The following ZNF536 variants were observed in gnomAD, a reference collection of about 807,000 sequenced individuals.
ZNF536 encodes the protein zinc finger protein 536.
In ZNF536, 13 loss-of-function variants were observed where a neutral mutation model predicts 84.5. The observed-to-expected ratio is 0.15, with a 90% confidence interval of 0.10 to 0.24. The LOEUF is 0.24. Ranked by LOEUF, ZNF536 falls within the 10% of genes least tolerant of loss-of-function variation. ZNF536 has a pLI of 1.00. For missense variants in ZNF536, 1,536 were observed against 1,747.5 expected, an observed-to-expected ratio of 0.88 and a Z score of 2.16; for synonymous variants, 811 against 742.5, an observed-to-expected ratio of 1.09 and a Z score of -1.50.
rs972261027 is a variant in ZNF536 at position 30,391,585 on chromosome 19, A to G, written c.-3+19029A>G. Among the ~76,000 whole-genome samples, 5 of 152,218 alleles carry G rather than the reference A, an allele frequency of 3.3e-5. No individual in the cohort carries two copies. The South Asian group carries it at 6.2e-4, about 19-fold the overall frequency. ...GAGTGAAAGTCTGTCTCAAAAAACA[A>G]ACAAACAAACAATCAAAAAAACTGC... is the stretch of plus-strand genomic sequence containing the variant. On this transcript the variant is annotated intron_variant, in intron 1 of 4. Coordinates refer to ENST00000355537, the MANE Select transcript of ZNF536 (RefSeq NM_014717.3).
chr19:30,508,820 C>CTTTTTTTTTTTTTT (rs914349353), intron 2 of ZNF536, among the ~76,000 whole-genome samples: 19 of 68,772 alleles, frequency 2.8e-4, no homozygotes, highest in East Asian at 4.0e-4. Context: ...TTCTTTCTTT[C>CTTTTTTTTTTTTTT]TTTTTTTTTT....
intron 2 of ZNF536, among the ~76,000 whole-genome samples, chr19:30,305,282 A>T (rs537411726): frequency 1.3e-5 from 2 of 152,208 alleles, no homozygotes; most frequent in East Asian, 3.9e-4. Context: ...TGCAAGAGAG[A>T]CCGTGGGAAG....
chr19:30,290,535 G>T (rs2045801639), intron 2 of ZNF536, among the ~76,000 whole-genome samples: 1 of 152,160 alleles, frequency 6.6e-6, no homozygotes, highest in Non-Finnish European at 1.5e-5. Context: ...GCCTCCCAAA[G>T]TGCTGGGATT....
intron 2 of ZNF536, among the ~76,000 whole-genome samples, chr19:30,462,293 TGTGTGTGTGA>T (rs530884485): frequency 0.011 from 1,572 of 142,896 alleles, 6 homozygotes; most frequent in African/African-American, 0.014. Context: ...CTTGTGATTT[TGTGTGTGTGA>T]GTGTGTGTGT....
chr19:30,290,868 T>C (rs2145794015), intron 2 of ZNF536, among the ~76,000 whole-genome samples: 1 of 152,264 alleles, frequency 6.6e-6, no homozygotes, highest in African/African-American at 2.4e-5. Context: ...GGCCCTGGTG[T>C]GTGATGTCCT....
chr19:30,648,094 C>T (rs1005904411), intron 1 of ZNF536, among the ~76,000 whole-genome samples: 4 of 152,162 alleles, frequency 2.6e-5, no homozygotes, highest in Admixed American at 6.5e-5. Flanking sequence ...TGGGCTCATC[C>T]TCAGATGGAA....
At chr19:30,309,110 G>A (rs1461949579) in intron 2 of ZNF536, among the ~76,000 whole-genome samples, 1 of 152,142 alleles carries the variant, frequency 6.6e-6, no homozygotes, top group Non-Finnish European at 1.5e-5. Flanking sequence ...AGACATGTAA[G>A]GGGAATCAAA....
chr19:30,241,202 A>C (rs1375402501), intron 1 of ZNF536, among the ~76,000 whole-genome samples: 1 of 151,988 alleles, frequency 6.6e-6, no homozygotes, highest in Non-Finnish European at 1.5e-5. Context: ...CTTGTAGTCC[A>C]AGCTCTTCAG....
rs1021470144 is a variant in ZNF536, at chr19:30,347,483, T to G, written c.-119-4885T>G. Among the ~76,000 whole-genome samples the G allele has an allele frequency of 2.0e-5, 3 of 152,070 alleles. No individual in the cohort carries two copies. In the East Asian group the frequency reaches 5.8e-4, roughly 29 times the overall value. Reference sequence around the variant, plus strand: ...CGTATCCACCCATGATGGCTGGAAGTTGAGTATTTATGGGGTGCCAGGGCC... The same window carrying G: ...CGTATCCACCCATGATGGCTGGAAGGTGAGTATTTATGGGGTGCCAGGGCC... On this transcript the variant is annotated intron_variant, in intron 2 of 5. Coordinates refer to the ZNF536 transcript ENST00000585628.
intron 2 of ZNF536, among the ~76,000 whole-genome samples, chr19:30,339,402 G>A (rs1005858589): frequency 2.0e-4 from 31 of 152,216 alleles, no homozygotes; most frequent in African/African-American, 7.2e-4. Flanking sequence ...CCCCACCCGA[G>A]GAGCCTCTCA....
At chr19:30,242,369 C>T (rs1352446358) in intron 1 of ZNF536, among the ~76,000 whole-genome samples, 15 of 152,132 alleles carry the variant, frequency 9.9e-5, no homozygotes, top group Admixed American at 9.2e-4. Flanking sequence ...CGGCTACCCC[C>T]AGCTTTAGGG....
At chr19:30,673,455 T>C (rs2050635279) in intron 1 of ZNF536, among the ~76,000 whole-genome samples, 1 of 152,232 alleles carries the variant, frequency 6.6e-6, no homozygotes, top group African/African-American at 2.4e-5. Context: ...TCTCTGTGTC[T>C]GAGAAGCTGA....
At chr19:30,635,854 G>A (rs777128442) in intron 1 of ZNF536, among the ~76,000 whole-genome samples, 19 of 152,194 alleles carry the variant, frequency 1.2e-4, no homozygotes, top group African/African-American at 3.4e-4. Context: ...TGCGGAGAGC[G>A]CTTACCTCCT....
intron 1 of ZNF536, among the ~76,000 whole-genome samples, chr19:30,566,695 C>T (rs2046360557): frequency 6.6e-6 from 1 of 150,426 alleles, no homozygotes; most frequent in Non-Finnish European, 1.5e-5. Flanking sequence ...TATGTGGCCC[C>T]TCTGGACAGT....
rs148036651 is a variant in ZNF536 at position 30,348,975 on chromosome 19, T to C, written c.-119-3393T>C. Among the ~76,000 whole-genome samples, 19 of 152,244 alleles carry C rather than the reference T, an allele frequency of 1.2e-4. No individual in the cohort carries two copies. The East Asian group carries it at 3.3e-3, about 26-fold the overall frequency. On this transcript the variant is annotated intron_variant, in intron 2 of 5. Transcript: ENST00000585628. Reference sequence around the variant, plus strand: ...GTAGAATTCCTGGCAATCGTAATAATCTTGAGTGCAAGCCAGGCTAAGAAT... The same window carrying C: ...GTAGAATTCCTGGCAATCGTAATAACCTTGAGTGCAAGCCAGGCTAAGAAT...
intron 1 of ZNF536, among the ~76,000 whole-genome samples, chr19:30,250,394 G>A (rs1568528482): frequency 6.6e-6 from 1 of 152,206 alleles, no homozygotes; most frequent in Non-Finnish European, 1.5e-5. Context: ...GGTGACACAT[G>A]CAGGCTGAGC....
intron 1 of ZNF536, among the ~76,000 whole-genome samples, chr19:30,608,624 G>A (rs2047981037): frequency 6.6e-6 from 1 of 152,164 alleles, no homozygotes; most frequent in Non-Finnish European, 1.5e-5. Flanking sequence ...CTGGTGTAGT[G>A]CACAGTCAGG....
chr19:30,709,421 C>T (rs1234682523), intron 1 of ZNF536, among the ~76,000 whole-genome samples: 2 of 152,158 alleles, frequency 1.3e-5, no homozygotes, highest in Non-Finnish European at 2.9e-5. Flanking sequence ...CCCTCACTCA[C>T]CCCACCCCCA....
chr19:30,371,329 G>A (rs1488153485), upstream of ZNF536, among the ~76,000 whole-genome samples: 1 of 152,116 alleles, frequency 6.6e-6, no homozygotes, highest in East Asian at 1.9e-4. Context: ...GAACAATAAG[G>A]CCTTTGCAGC....
Sources: gnomAD v4.1 joint callset for allele counts (sites outside exome capture counted in the v4.1 genomes callset) on GRCh38, gnomAD v4.1.1 for gene constraint, MANE v1.5 for transcripts, NCBI Gene and HGNC (gene_info 2026-07-23, HGNC 2026-07-21) for gene names.